RALGAPB: variants seen among roughly 807,000 people sequenced by gnomAD.
The protein encoded by RALGAPB is ral GTPase-activating protein subunit beta.
Under a neutral mutation model 161.1 loss-of-function variants are expected in RALGAPB, and 25 were observed. That is an observed-to-expected ratio of 0.16 (90% CI 0.11 to 0.22). The LOEUF (loss-of-function observed/expected upper bound fraction) is 0.22, where lower values mean the gene tolerates loss of function less well. Ranked by LOEUF, RALGAPB falls within the 10% of genes least tolerant of loss-of-function variation. RALGAPB has a pLI of 1.00. For missense variants in RALGAPB, 1,391 were observed against 1,815.2 expected, an observed-to-expected ratio of 0.77 and a Z score of 4.25; for synonymous variants, 629 against 626.1, an observed-to-expected ratio of 1.00 and a Z score of -0.07.
intron 1 of RALGAPB, among the ~76,000 whole-genome samples, chr20:38,475,714 A>G (rs1214796969): frequency 8.7e-4 from 132 of 151,172 alleles, no homozygotes; most frequent in Non-Finnish European, 4.0e-4. Context: ...TCCTGGGTTC[A>G]AACGATTCTC....
chr20:38,507,910 A>G (rs868320632), intron 5 of RALGAPB, among the ~76,000 whole-genome samples: 1 of 152,008 alleles, frequency 6.6e-6, no homozygotes, highest in African/African-American at 2.4e-5. Context: ...ATGTGAGAAT[A>G]TTATCTCTAG....
intron 25 of RALGAPB, among the ~76,000 whole-genome samples, chr20:38,566,724 G>A (rs1420603054): frequency 6.6e-6 from 1 of 152,174 alleles, no homozygotes. Flanking sequence ...ATAATTCAGA[G>A]AGTAATAATG....
At chr20:38,520,115 TTTTAA>T (rs751324092) in intron 9 of RALGAPB, 2 of 203,774 alleles carry the variant, frequency 9.8e-6, no homozygotes, top group African/African-American at 2.4e-5. Context: ...ATCGTAAAGC[TTTTAA>T]TTTAACTTTT....
chr20:38,574,643 T>A (rs998867535), intron 29 of RALGAPB, 131 bp from the exon 30 acceptor site: 1 of 889,950 alleles, frequency 1.1e-6, no homozygotes, highest in Non-Finnish European at 1.8e-6. Context: ...TCTATCTCTC[T>A]GGGGATGGGA....
chr20:38,487,076 C>T (rs576525319), intron 1 of RALGAPB, among the ~76,000 whole-genome samples: 2 of 152,208 alleles, frequency 1.3e-5, no homozygotes, highest in East Asian at 3.9e-4. Flanking sequence ...AAGGTTTTAC[C>T]AAAGAGAGGA....
At chr20:38,562,248 C>T (rs1158401699) in intron 23 of RALGAPB, among the ~76,000 whole-genome samples, 1 of 152,164 alleles carries the variant, frequency 6.6e-6, no homozygotes, top group African/African-American at 2.4e-5. Context: ...AGGAAGAGAG[C>T]TCAGGGCTTT....
chr20:38,516,567 GC>G, intron 7 of RALGAPB, 197 bp downstream of exon 7: 1 of 566,694 alleles, frequency 1.8e-6, no homozygotes, highest in Non-Finnish European at 2.8e-6. Flanking sequence ...TTAGATTGGT[GC>G]AAAAGTAATT....
At position 38,490,511 on chromosome 20, in the gene RALGAPB, T is replaced by G. The variant is rs142062338; in HGVS notation, c.186+1893T>G. ...GCGTGAGCCACCGCGCCCGGCCTAT[T>G]TATTTATTTTTTGAGACAGAGTCTC... On this transcript the variant is annotated intron_variant, in intron 2 of 29. Coordinates refer to ENST00000262879, the MANE Select transcript of RALGAPB (RefSeq NM_020336.4). 5.8e-3 allele frequency among the ~76,000 whole-genome samples: 876 copies of G among 150,386 alleles called. 6 individuals are homozygous for G. The highest frequency in any genetic ancestry group is 9.3e-3 in the Non-Finnish European group (626 of 67,562).
At chr20:38,544,361 T>TA (rs1568960234) in intron 18 of RALGAPB, among the ~76,000 whole-genome samples, 1 of 151,550 alleles carries the variant, frequency 6.6e-6, no homozygotes, top group African/African-American at 2.4e-5. Context: ...TTTTTTTTTT[T>TA]AAATATTACA....
chr20:38,562,984 G>A (rs1275162322), intron 24 of RALGAPB, among the ~76,000 whole-genome samples: 2 of 152,140 alleles, frequency 1.3e-5, no homozygotes, highest in South Asian at 2.1e-4. Context: ...GCTGAGGTGG[G>A]AGGATCACTT....
At chr20:38,529,669 C>T (rs1019445195) in intron 13 of RALGAPB, among the ~76,000 whole-genome samples, 3 of 150,908 alleles carry the variant, frequency 2.0e-5, no homozygotes, top group Admixed American at 6.6e-5. Context: ...CGTCTCTACT[C>T]AAAATACAAA....
At position 38,510,209 on chromosome 20, in the gene RALGAPB, C is replaced by T. The variant is rs147294894; in HGVS notation, c.872+1001C>T. ...AATTTGCAGAGATGGGGTCTTCCTA[C>T]GTTGCCCAGGCGGTCTCAAACTCCT... On this transcript the variant is annotated intron_variant, in intron 6 of 29. Coordinates refer to ENST00000262879, the MANE Select transcript of RALGAPB (RefSeq NM_020336.4). Among the ~76,000 whole-genome samples, 37 of 151,914 alleles carry T rather than the reference C, an allele frequency of 2.4e-4. 1 individual carries two copies. The highest frequency in any genetic ancestry group is 2.1e-3 in the East Asian group (11 of 5,158).
In RALGAPB at chr20:38,532,833, C is replaced by T; in HGVS notation, c.2219C>T (p.Pro740Leu). The change falls in exon 15 of 30, where the codon CCT (proline) becomes CTT (leucine). Residue 740 changes from proline to leucine, a missense_variant. This residue lies in a region of RALGAPB where 946 missense variants were observed against 1,257.2 expected (regional missense o/e 0.75). Coordinates refer to ENST00000262879, the MANE Select transcript of RALGAPB (RefSeq NM_020336.4). ...TEPTTPDSER[P>L]AQALLRDYAL... is the part of the protein sequence containing the mutation. The stretch of plus-strand genomic sequence containing the variant: ...CCCACGACTCCCGATAGTGAGAGAC[C>T]TGCTCAAGCTCTCTTAAGAGATTAT... 1.2e-6 allele frequency: 2 copies of T among 1,614,156 alleles called. No homozygotes were observed. Among genetic ancestry groups the T allele is most frequent in the East Asian group, 4.5e-5 (2 of 44,888 alleles).
At chr20:38,499,390 A>G in intron 4 of RALGAPB, 57 bp from the exon 5 acceptor site, 1 of 1,469,830 alleles carries the variant, frequency 6.8e-7, no homozygotes, top group Non-Finnish European at 9.2e-7. Context: ...TCAGTGTCTT[A>G]AAGATTCTGC....
intron 5 of RALGAPB, among the ~76,000 whole-genome samples, chr20:38,502,784 T>C (rs541076109): frequency 1.4e-4 from 21 of 152,280 alleles, no homozygotes; most frequent in Non-Finnish European, 2.9e-4. Context: ...TTAGTATTTT[T>C]AGTAGAGTCA....
intron 20 of RALGAPB, among the ~76,000 whole-genome samples, chr20:38,549,910 A>G (rs1245326343): frequency 6.6e-6 from 1 of 152,194 alleles, no homozygotes; most frequent in Admixed American, 6.5e-5. Flanking sequence ...TCCAACAATG[A>G]TAGACTGGAT....
intron 2 of RALGAPB, among the ~76,000 whole-genome samples, chr20:38,488,928 A>G (rs568506066): frequency 7.2e-4 from 109 of 152,288 alleles, no homozygotes; most frequent in Middle Eastern, 3.4e-3. Flanking sequence ...TTGAATGTCA[A>G]ACACTTCCCC....
At chr20:38,483,852 A>G (rs1305599047) in intron 1 of RALGAPB, among the ~76,000 whole-genome samples, 1 of 152,110 alleles carries the variant, frequency 6.6e-6, no homozygotes, top group Admixed American at 6.5e-5. Flanking sequence ...GTTGCTTTGG[A>G]TAGCCTAAGC....
chr20:38,488,192 A>G (rs980059682), intron 1 of RALGAPB, among the ~76,000 whole-genome samples: 2 of 152,196 alleles, frequency 1.3e-5, no homozygotes, highest in Admixed American at 1.3e-4. Context: ...TATACCATCT[A>G]ATTAAAACAA....
Sources: gnomAD v4.1 joint callset for allele counts (sites outside exome capture counted in the v4.1 genomes callset) on GRCh38, gnomAD v4.1.1 for gene constraint, gnomAD v4.1.1 regional missense constraint, MANE v1.5 for transcripts, NCBI Gene and HGNC (gene_info 2026-07-23, HGNC 2026-07-21) for gene names.